SLC8A1: variants seen among roughly 807,000 people sequenced by gnomAD.
SLC8A1 encodes sodium/calcium exchanger 1.
In SLC8A1, 18 loss-of-function variants were observed where a neutral mutation model predicts 68.3. That is an observed-to-expected ratio of 0.26 (90% CI 0.18 to 0.39). The LOEUF is 0.39. Among genes scored for constraint, SLC8A1 ranks in the 10% least tolerant of loss-of-function variants. SLC8A1 has a pLI of 1.00. For synonymous variants in SLC8A1, 475 were observed against 415.5 expected, an observed-to-expected ratio of 1.14 and a Z score of -1.74; for missense variants, 985 against 1,156.7, an observed-to-expected ratio of 0.85 and a Z score of 2.15.
intron 2 of SLC8A1, among the ~76,000 whole-genome samples, chr2:40,377,000 T>G (rs1365275375): frequency 6.6e-6 from 1 of 152,064 alleles, no homozygotes; most frequent in Non-Finnish European, 1.5e-5. Context: ...ACAACTTGCT[T>G]CTTATGAATA....
chr2:40,482,847 G>C (rs966778278), intron 1 of SLC8A1, among the ~76,000 whole-genome samples: 13 of 145,792 alleles, frequency 8.9e-5, no homozygotes, highest in African/African-American at 3.3e-4. Flanking sequence ...TTGGAGTGCA[G>C]TGGCGCGATC....
At chr2:40,453,721 T>C (rs983096312), upstream of SLC8A1, among the ~76,000 whole-genome samples, 1 of 152,206 alleles carries the variant, frequency 6.6e-6, no homozygotes, top group African/African-American at 2.4e-5. Context: ...CCAATACTCC[T>C]CAAACATGAA....
intron 6 of SLC8A1, among the ~76,000 whole-genome samples, chr2:40,160,107 T>A (rs1041691686): frequency 2.4e-4 from 37 of 152,142 alleles, no homozygotes; most frequent in Non-Finnish European, 5.3e-4. Context: ...CCTGTATCGT[T>A]ATACAATCAC....
intron 2 of SLC8A1, among the ~76,000 whole-genome samples, chr2:40,271,302 C>T (rs1267700721): frequency 6.6e-6 from 1 of 152,072 alleles, no homozygotes; most frequent in East Asian, 1.9e-4. Flanking sequence ...CACATGGCCC[C>T]CTTGCTGTTT....
chr2:40,282,602 A>G (rs2067686198), intron 2 of SLC8A1, among the ~76,000 whole-genome samples: 1 of 152,218 alleles, frequency 6.6e-6, no homozygotes. Context: ...AGTGAGATGC[A>G]TCAGTTTCAT....
intron 2 of SLC8A1, among the ~76,000 whole-genome samples, chr2:40,384,805 A>AT (rs1042435310): frequency 6.6e-6 from 1 of 151,934 alleles, no homozygotes; most frequent in East Asian, 1.9e-4. Context: ...AGCTTTTACA[A>AT]TTTTTTCCCG....
At chr2:40,391,853 C>T (rs1346001380) in intron 2 of SLC8A1, among the ~76,000 whole-genome samples, 2 of 152,026 alleles carry the variant, frequency 1.3e-5, no homozygotes, top group Admixed American at 1.3e-4. Context: ...TCAGGCAGAG[C>T]CCTCAGCCTC....
intron 1 of SLC8A1, among the ~76,000 whole-genome samples, chr2:40,461,022 G>A (rs1037049010): frequency 6.6e-6 from 1 of 152,126 alleles, no homozygotes; most frequent in Non-Finnish European, 1.5e-5. Context: ...CAACTACTGA[G>A]GGCGAAAAGG....
intron 2 of SLC8A1, among the ~76,000 whole-genome samples, chr2:40,310,030 A>T (rs1362694456): frequency 6.6e-6 from 1 of 152,058 alleles, no homozygotes; most frequent in Non-Finnish European, 1.5e-5. Flanking sequence ...TTTATTTCTG[A>T]TTATTTCATA....
At chr2:40,134,488 G>A (rs1055077531) in intron 7 of SLC8A1, among the ~76,000 whole-genome samples, 1 of 152,132 alleles carries the variant, frequency 6.6e-6, no homozygotes. Context: ...AAAATACCTT[G>A]CTCCTCATCA....
chr2:40,467,925 T>C (rs774307318), intron 1 of SLC8A1, among the ~76,000 whole-genome samples: 4 of 152,130 alleles, frequency 2.6e-5, no homozygotes, highest in Non-Finnish European at 4.4e-5. Flanking sequence ...GCCAAATGTA[T>C]TCACTATTAA....
chr2:40,156,821 TTGTA>T (rs908042333), intron 6 of SLC8A1, among the ~76,000 whole-genome samples: 3 of 152,190 alleles, frequency 2.0e-5, no homozygotes, highest in Admixed American at 6.5e-5. Flanking sequence ...CATACCTGAT[TTGTA>T]TGTGTGTGTC....
chr2:40,341,804 A>G (rs1442888339), intron 2 of SLC8A1, among the ~76,000 whole-genome samples: 2 of 152,188 alleles, frequency 1.3e-5, no homozygotes, highest in Non-Finnish European at 2.9e-5. Flanking sequence ...TCACAGGATG[A>G]TAGTGATAAT....
intron 2 of SLC8A1, among the ~76,000 whole-genome samples, chr2:40,347,399 G>A (rs1051983205): frequency 1.3e-5 from 2 of 152,202 alleles, no homozygotes; most frequent in African/African-American, 4.8e-5. Flanking sequence ...GCCTTTGAAT[G>A]TACTATCGTA....
intron 2 of SLC8A1, chr2:40,196,036 T>G (rs2052937173): frequency 6.6e-6 from 1 of 150,890 alleles, no homozygotes; most frequent in African/African-American, 2.4e-5. Context: ...TAGGGTAGGA[T>G]GTCTTTCAAC....
At chr2:40,268,019 C>G (rs184137290) in intron 2 of SLC8A1, among the ~76,000 whole-genome samples, 2 of 152,146 alleles carry the variant, frequency 1.3e-5, no homozygotes, top group African/African-American at 4.8e-5. Flanking sequence ...TGTTGAATTA[C>G]GATGGGCATT....
At chr2:40,313,063 C>T (rs1221830091) in intron 2 of SLC8A1, among the ~76,000 whole-genome samples, 6 of 151,938 alleles carry the variant, frequency 3.9e-5, no homozygotes, top group East Asian at 3.9e-4. Flanking sequence ...AGGTAATAAA[C>T]GTATCCATTA....
intron 7 of SLC8A1, among the ~76,000 whole-genome samples, chr2:40,120,313 G>A (rs1388952651): frequency 1.3e-5 from 2 of 152,156 alleles, no homozygotes; most frequent in Non-Finnish European, 2.9e-5. Flanking sequence ...AGGTCTGCTT[G>A]CTTCTCCCAG....
chr2:40,430,786 A>T (rs1266856908), intron 1 of SLC8A1, among the ~76,000 whole-genome samples: 2 of 152,108 alleles, frequency 1.3e-5, no homozygotes, highest in Non-Finnish European at 2.9e-5. Context: ...ACCTTATTAC[A>T]ATTGATGCTT....
Sources: allele counts gnomAD v4.1 joint callset (sites outside exome capture counted in the v4.1 genomes callset), GRCh38; gene constraint gnomAD v4.1.1; transcripts MANE v1.5; gene names NCBI Gene and HGNC (gene_info 2026-07-23, HGNC 2026-07-21).